MGAT4C: variants seen among roughly 807,000 people sequenced by gnomAD.
The protein encoded by MGAT4C is MGAT4 family member C, also known as alpha-1,3-mannosyl-glycoprotein 4-beta-N-acetylglucosaminyltransferase C.
Under a neutral mutation model 40.1 loss-of-function variants are expected in MGAT4C, and 19 were observed. The ratio of observed to expected loss-of-function variants is 0.47; its 90% CI spans 0.33 to 0.70. The LOEUF (loss-of-function observed/expected upper bound fraction) is 0.70. Among genes scored for constraint, MGAT4C ranks in the 30% least tolerant of loss-of-function variants. MGAT4C has a pLI of 0.02. For synonymous variants in MGAT4C, 181 were observed against 187.1 expected (o/e 0.97, Z 0.27); for missense variants, 491 against 563.2 (o/e 0.87, Z 1.30).
chr12:86,567,280 G>A (rs1419179685), intron 2 of MGAT4C, among the ~76,000 whole-genome samples: 2 of 152,064 alleles, frequency 1.3e-5, no homozygotes, highest in East Asian at 1.9e-4. Context: ...ACGTTCTGCT[G>A]GCCTAGAAGT....
At chr12:86,563,327 G>T (rs1257594386) in intron 2 of MGAT4C, among the ~76,000 whole-genome samples, 2 of 152,162 alleles carry the variant, frequency 1.3e-5, no homozygotes, top group Non-Finnish European at 2.9e-5. Context: ...GGACAGCAGA[G>T]GCAAAGCAGC....
intron 1 of MGAT4C, among the ~76,000 whole-genome samples, chr12:86,215,347 T>G (rs1950629699): frequency 6.6e-6 from 1 of 152,228 alleles, no homozygotes; most frequent in African/African-American, 2.4e-5. Flanking sequence ...AAATGGGGTA[T>G]CTTTGCAATT....
intron 2 of MGAT4C, among the ~76,000 whole-genome samples, chr12:86,662,158 G>A (rs1963994666): frequency 3.9e-5 from 6 of 152,112 alleles, no homozygotes; most frequent in African/African-American, 1.4e-4. Context: ...AGGCATTAAT[G>A]AGCCCAAGGC....
At chr12:86,734,822 G>A (rs1435968994) in intron 1 of MGAT4C, among the ~76,000 whole-genome samples, 1 of 152,082 alleles carries the variant, frequency 6.6e-6, no homozygotes, top group African/African-American at 2.4e-5. Context: ...TGATGGGACA[G>A]AGAGGCAGCA....
At position 86,426,203 on chromosome 12, in the gene MGAT4C, C is replaced by G. The variant is rs111391727; in HGVS notation, c.-120+8954G>C. 6.5e-3 allele frequency among the ~76,000 whole-genome samples: 988 copies of G among 152,186 alleles called. 11 individuals are homozygous for G. Among genetic ancestry groups the G allele is most frequent in the African/African-American group, 0.023 (945 of 41,534 alleles). On this transcript the variant is annotated intron_variant, in intron 3 of 7. Transcript: ENST00000548651. ...TGTGGTCCATCAGTCATTGACTCTT[C>G]GGGTAAAATCTATTTCAGCAATGTC...
chr12:86,252,873 C>T (rs1952358771), intron 1 of MGAT4C, among the ~76,000 whole-genome samples: 1 of 151,830 alleles, frequency 6.6e-6, no homozygotes, highest in Non-Finnish European at 1.5e-5. Flanking sequence ...TACAAGATAA[C>T]TTTGTCCAAA....
At chr12:86,415,571 C>A (rs1592816537) in intron 3 of MGAT4C, among the ~76,000 whole-genome samples, 1 of 151,858 alleles carries the variant, frequency 6.6e-6, no homozygotes, top group African/African-American at 2.4e-5. Flanking sequence ...TTTTCCTATG[C>A]ACAATGGATT....
chr12:86,596,421 C>T lies in MGAT4C; in HGVS notation c.-229+130788G>A, dbSNP rs1229349934. Among the ~76,000 whole-genome samples, 6 of 152,060 alleles carry T rather than the reference C, an allele frequency of 3.9e-5. No homozygotes were observed. The East Asian group carries it at 5.8e-4, about 15-fold the overall frequency. On this transcript the variant is annotated intron_variant, in intron 2 of 7. Transcript: ENST00000548651. ...GGGACTATCGTTAAAGAGATGGCCA[C>T]GTGAAATTGTAAGGCCAGGTTTGAG...
intron 2 of MGAT4C, among the ~76,000 whole-genome samples, chr12:86,569,903 T>C: frequency 6.6e-6 from 1 of 152,176 alleles, no homozygotes; most frequent in East Asian, 1.9e-4. Context: ...TCTAAGACAA[T>C]ATGGATGAAC....
At chr12:86,360,016 A>C (rs1205976968) in intron 3 of MGAT4C, among the ~76,000 whole-genome samples, 2 of 152,200 alleles carry the variant, frequency 1.3e-5, no homozygotes, top group Admixed American at 6.5e-5. Context: ...AGCTGGGCAG[A>C]GACACAACAA....
chr12:86,629,611 G>A (rs565144167), intron 2 of MGAT4C, among the ~76,000 whole-genome samples: 2 of 152,180 alleles, frequency 1.3e-5, no homozygotes, highest in Admixed American at 6.5e-5. Flanking sequence ...ACTCAAAACC[G>A]CCCAACTACA....
At chr12:86,590,399 A>G (rs533669534) in intron 2 of MGAT4C, among the ~76,000 whole-genome samples, 1 of 152,014 alleles carries the variant, frequency 6.6e-6, no homozygotes, top group East Asian at 1.9e-4. Flanking sequence ...AGTGTCTGCT[A>G]TTTAACTGGT....
At chr12:86,800,300 C>A (rs925349502) in intron 1 of MGAT4C, among the ~76,000 whole-genome samples, 3 of 151,892 alleles carry the variant, frequency 2.0e-5, no homozygotes, top group African/African-American at 7.2e-5. Context: ...GATTCTGGAT[C>A]CTGATGTCTT....
chr12:86,716,980 G>A (rs1393312044), intron 2 of MGAT4C, among the ~76,000 whole-genome samples: 2 of 152,016 alleles, frequency 1.3e-5, no homozygotes, highest in Admixed American at 1.3e-4. Flanking sequence ...TGATAGATTT[G>A]CTCTAATAAT....
At chr12:86,302,283 C>T (rs1340628659) in intron 4 of MGAT4C, among the ~76,000 whole-genome samples, 3 of 150,666 alleles carry the variant, frequency 2.0e-5, no homozygotes, top group African/African-American at 5.0e-5. Context: ...TTTAAAAAAT[C>T]AGCAAATTAT....
intron 2 of MGAT4C, among the ~76,000 whole-genome samples, chr12:86,611,456 T>TAGATAGATAGATA (rs1555210960): frequency 7.0e-5 from 10 of 143,548 alleles, no homozygotes; most frequent in African/African-American, 1.6e-4. Context: ...GATAGATAGA[T>TAGATAGATAGATA]GATAGATAGA....
At chr12:86,156,408 C>A (rs543511886) in intron 1 of MGAT4C, among the ~76,000 whole-genome samples, 1 of 152,096 alleles carries the variant, frequency 6.6e-6, no homozygotes, top group African/African-American at 2.4e-5. Context: ...CCGCAACCTC[C>A]GTGTCCCAGG....
intron 2 of MGAT4C, chr12:86,001,768 T>C (rs1247119848): frequency 3.3e-5 from 12 of 369,020 alleles, no homozygotes; most frequent in Non-Finnish European, 4.1e-5. Flanking sequence ...ATCCCTGAGC[T>C]GAAATATTTT....
chr12:86,399,335 T>C (rs1012271879), intron 3 of MGAT4C, among the ~76,000 whole-genome samples: 1 of 147,880 alleles, frequency 6.8e-6, no homozygotes, highest in African/African-American at 2.5e-5. Flanking sequence ...CAGGCTGGAG[T>C]GAGTGGCGCA....
Sources: gnomAD v4.1 joint callset for allele counts (sites outside exome capture counted in the v4.1 genomes callset) on GRCh38, gnomAD v4.1.1 for gene constraint, MANE v1.5 for transcripts, NCBI Gene and HGNC (gene_info 2026-07-23, HGNC 2026-07-21) for gene names.